RASAL2: variants seen among roughly 807,000 people sequenced by gnomAD.
The protein encoded by RASAL2 is ras GTPase-activating protein nGAP.
Under a neutral mutation model 128.9 loss-of-function variants are expected in RASAL2, and 58 were observed. That is an observed-to-expected ratio of 0.45 (90% CI 0.36 to 0.56). RASAL2 has a LOEUF of 0.56. RASAL2 is among the 20% of genes least tolerant of loss of function. The pLI is 0.00. For synonymous variants in RASAL2, 561 were observed against 580.8 expected, an observed-to-expected ratio of 0.97 and a Z score of 0.49; for missense variants, 1,360 against 1,601.6, an observed-to-expected ratio of 0.85 and a Z score of 2.57.
intron 17 of RASAL2, 60 bp from the exon 18 acceptor site, chr1:178,473,015 A>G: frequency 6.3e-7 from 1 of 1,579,054 alleles, no homozygotes; most frequent in Non-Finnish European, 8.7e-7. Flanking sequence ...GTCATTCAGT[A>G]AAGAAAGCGT....
chr1:178,100,803 A>G (rs1160575313), intron 1 of RASAL2, among the ~76,000 whole-genome samples: 1 of 152,220 alleles, frequency 6.6e-6, no homozygotes, highest in Non-Finnish European at 1.5e-5. Context: ...GTGAACCACA[A>G]AAAAGCATTC....
intron 3 of RASAL2, among the ~76,000 whole-genome samples, chr1:178,380,725 G>A (rs1453368688): frequency 3.3e-5 from 5 of 152,122 alleles, no homozygotes; most frequent in Non-Finnish European, 5.9e-5. Context: ...TAAAAACATT[G>A]TGAGAGAAAT....
intron 1 of RASAL2, among the ~76,000 whole-genome samples, chr1:178,162,478 AT>A (rs1197867163): frequency 4.0e-5 from 5 of 123,798 alleles, no homozygotes; most frequent in South Asian, 4.4e-4. Flanking sequence ...ATATATTTAT[AT>A]TTTATATAAT....
chr1:178,097,206 AGTTG>A (rs2102210911), intron 1 of RASAL2, among the ~76,000 whole-genome samples: 1 of 152,312 alleles, frequency 6.6e-6, no homozygotes, highest in East Asian at 1.9e-4. Context: ...CTTTGCCACA[AGTTG>A]GTTGTCTAAT....
At chr1:178,398,626 G>A (rs1399063193) in intron 4 of RASAL2, among the ~76,000 whole-genome samples, 1 of 152,128 alleles carries the variant, frequency 6.6e-6, no homozygotes, top group African/African-American at 2.4e-5. Context: ...ATTGTACTAT[G>A]GCTTGGTTCT....
intron 1 of RASAL2, among the ~76,000 whole-genome samples, chr1:178,282,093 A>G (rs1208373366): frequency 1.3e-5 from 2 of 152,172 alleles, no homozygotes; most frequent in South Asian, 2.1e-4. Flanking sequence ...CAGATGTAGC[A>G]TGTAATGCTG....
intron 1 of RASAL2, among the ~76,000 whole-genome samples, chr1:178,267,469 T>G (rs1666014854): frequency 6.6e-6 from 1 of 151,696 alleles, no homozygotes; most frequent in African/African-American, 2.4e-5. Flanking sequence ...ATTATTATTT[T>G]TCCTTCCTTT....
At chr1:178,410,004 G>A (rs528595754) in intron 4 of RASAL2, among the ~76,000 whole-genome samples, 34 of 152,238 alleles carry the variant, frequency 2.2e-4, no homozygotes, top group African/African-American at 7.2e-4. Context: ...TGTTTTAATT[G>A]TTATTTTGGA....
chr1:178,397,616 CTT>C (rs1030646176), intron 4 of RASAL2, among the ~76,000 whole-genome samples: 2 of 144,528 alleles, frequency 1.4e-5, no homozygotes, highest in South Asian at 2.2e-4. Context: ...TTTTTACTTA[CTT>C]TTTTTTTTTT....
At chr1:178,446,365 A>G (rs553786729) in intron 9 of RASAL2, among the ~76,000 whole-genome samples, 24 of 152,306 alleles carry the variant, frequency 1.6e-4, no homozygotes, top group African/African-American at 5.8e-4. Context: ...AATATGACCC[A>G]TGTGTGAATA....
At chr1:178,205,714 G>A (rs564838533) in intron 1 of RASAL2, among the ~76,000 whole-genome samples, 11 of 151,920 alleles carry the variant, frequency 7.2e-5, no homozygotes, top group African/African-American at 9.7e-5. Context: ...CTGAGATCGC[G>A]CCACTGCACT....
At chr1:178,189,449 T>C (rs1348515268) in intron 1 of RASAL2, among the ~76,000 whole-genome samples, 1 of 152,196 alleles carries the variant, frequency 6.6e-6, no homozygotes, top group Non-Finnish European at 1.5e-5. Flanking sequence ...GTCTTATGAG[T>C]ATACTTTTCT....
chr1:178,281,406 GAGAAT>G (rs1666777777), intron 1 of RASAL2, among the ~76,000 whole-genome samples: 1 of 152,076 alleles, frequency 6.6e-6, no homozygotes, highest in Non-Finnish European at 1.5e-5. Flanking sequence ...TGGACAAAGG[GAGAAT>G]ATTAGACAGT....
chr1:178,257,988 G>A (rs138989200), intron 1 of RASAL2, among the ~76,000 whole-genome samples: 37 of 151,144 alleles, frequency 2.4e-4, no homozygotes, highest in African/African-American at 8.3e-4. Flanking sequence ...AAAACAAAAC[G>A]ATACCATCAA....
chr1:178,399,884 A>T (rs1463238310), intron 4 of RASAL2, among the ~76,000 whole-genome samples: 2 of 152,160 alleles, frequency 1.3e-5, no homozygotes, highest in Non-Finnish European at 2.9e-5. Context: ...CTCTGCTGCC[A>T]GAGTGGTCTC....
chr1:178,138,000 A>G, intron 1 of RASAL2, among the ~76,000 whole-genome samples: 1 of 152,228 alleles, frequency 6.6e-6, no homozygotes, highest in East Asian at 1.9e-4. Context: ...GCATTGTGGA[A>G]ACAGAGATGC....
chr1:178,146,997 C>CT (rs1263630835), intron 1 of RASAL2, among the ~76,000 whole-genome samples: 1 of 152,166 alleles, frequency 6.6e-6, no homozygotes, highest in Non-Finnish European at 1.5e-5. Flanking sequence ...CTGTTTCTCT[C>CT]TTAAGACTGG....
chr1:178,388,473 A>C (rs1672710972), intron 3 of RASAL2, among the ~76,000 whole-genome samples: 1 of 152,222 alleles, frequency 6.6e-6, no homozygotes, highest in Non-Finnish European at 1.5e-5. Context: ...AGAGAAGTTA[A>C]GGGACTTACA....
At chr1:178,452,724 G>A (rs2102888557) in intron 11 of RASAL2, 72 bp downstream of exon 11, 1 of 1,280,302 alleles carries the variant, frequency 7.8e-7, no homozygotes, top group Non-Finnish European at 1.1e-6. Flanking sequence ...TTTGGATGAG[G>A]GTTGGGAGCC....
Sources: gnomAD v4.1 joint callset for allele counts (sites outside exome capture counted in the v4.1 genomes callset) on GRCh38, gnomAD v4.1.1 for gene constraint, MANE v1.5 for transcripts, NCBI Gene and HGNC (gene_info 2026-07-23, HGNC 2026-07-21) for gene names.